The following NEK10 variants were observed in gnomAD, a reference collection of about 807,000 sequenced individuals.
NEK10 encodes the protein serine/threonine-protein kinase Nek10.
In NEK10, 122 loss-of-function variants were observed where a neutral mutation model predicts 159.8. That is an observed-to-expected ratio of 0.76 (90% CI 0.66 to 0.89). The LOEUF (loss-of-function observed/expected upper bound fraction) is 0.89. Ranked by LOEUF, NEK10 falls within the 40% of genes least tolerant of loss-of-function variation. The pLI is 0.00. For synonymous variants in NEK10, 466 were observed against 457.1 expected, an observed-to-expected ratio of 1.02 and a Z score of -0.25; for missense variants, 1,342 against 1,323.1, an observed-to-expected ratio of 1.01 and a Z score of -0.22.
chr3:27,212,815 A>G (rs1951125171), intron 23 of NEK10, among the ~76,000 whole-genome samples: 1 of 152,204 alleles, frequency 6.6e-6, no homozygotes, highest in Non-Finnish European at 1.5e-5. Flanking sequence ...TACTGAGGCC[A>G]GGGCCACACA....
Position 27,192,150 on chromosome 3 carries a change from G to A in NEK10, c.2384C>T (p.Ser795Phe), listed in dbSNP as rs372172518. The A allele has an allele frequency of 6.2e-7, 1 of 1,613,870 alleles. No homozygotes were observed. The highest frequency in any genetic ancestry group is 8.5e-7 in the Non-Finnish European group (1 of 1,179,724). ...DVMMKYLDNL[S>F]TSQLSLEKKL... ...CTTTTCCAAGGACAACTGGGATGTA[G>A]ATAAGTTGTCTAAATATTTCATCAT... The change falls in exon 26 of 36, where the codon TCT becomes TTT. Residue 795 changes from serine (S) to phenylalanine (F), a missense_variant. Ser to Phe is a radical substitution (Grantham distance 155). Transcript: ENST00000691995.
At chr3:27,123,471 T>C (rs1180373482) in intron 32 of NEK10, among the ~76,000 whole-genome samples, 1 of 152,206 alleles carries the variant, frequency 6.6e-6, no homozygotes, top group Non-Finnish European at 1.5e-5. Context: ...TTCCATGTTA[T>C]ATGGGCATTC....
At position 27,368,336 on chromosome 3, in the gene NEK10, C is replaced by T. The variant is rs79155162; in HGVS notation, c.-38+889G>A. 4.4e-4 allele frequency among the ~76,000 whole-genome samples: 67 copies of T among 150,598 alleles called. 1 individual carries two copies. The highest frequency in any genetic ancestry group is 3.4e-3 in the Middle Eastern group (1 of 294). ...AGGACTCCATATATATATATATACA[C>T]ATATATATATATCAGTTCAACAATG... On this transcript the variant is annotated intron_variant, in intron 1 of 35. Coordinates refer to ENST00000691995, the MANE Select transcript of NEK10 (RefSeq NM_001394966.1).
intron 1 of NEK10, among the ~76,000 whole-genome samples, chr3:27,356,373 G>A (rs1355448546): frequency 6.6e-6 from 1 of 152,126 alleles, no homozygotes; most frequent in African/African-American, 2.4e-5. Flanking sequence ...TAAGCCAAGT[G>A]TGGTGGTGTG....
intron 23 of NEK10, among the ~76,000 whole-genome samples, chr3:27,239,524 C>T (rs925151731): frequency 2.0e-5 from 3 of 152,068 alleles, no homozygotes; most frequent in African/African-American, 2.4e-5. Context: ...TAAATAAACC[C>T]GTCTTTGGAG....
intron 28 of NEK10, 22 bp from the exon 29 acceptor site, chr3:27,171,895 A>G (rs1368377554): frequency 6.2e-7 from 1 of 1,605,326 alleles, no homozygotes; most frequent in Non-Finnish European, 8.5e-7. Context: ...AAATAGAAAT[A>G]ACTTTACATT....
intron 23 of NEK10, among the ~76,000 whole-genome samples, chr3:27,214,203 G>A (rs1951273116): frequency 6.6e-6 from 1 of 152,172 alleles, no homozygotes; most frequent in South Asian, 2.1e-4. Flanking sequence ...TATACCTTAC[G>A]TATGTTGATT....
intron 12 of NEK10, among the ~76,000 whole-genome samples, chr3:27,302,835 T>C (rs893247637): frequency 2.0e-5 from 3 of 152,090 alleles, no homozygotes; most frequent in Non-Finnish European, 4.4e-5. Context: ...CAGTCACAGG[T>C]GGTGATCTTA....
At chr3:27,326,501 C>A (rs1471398360) in intron 5 of NEK10, among the ~76,000 whole-genome samples, 1 of 152,168 alleles carries the variant, frequency 6.6e-6, no homozygotes, top group Non-Finnish European at 1.5e-5. Context: ...AATTTCATGA[C>A]TTTTCCAGTG....
chr3:27,264,799 C>G (rs116080095), intron 22 of NEK10, among the ~76,000 whole-genome samples: 3 of 151,946 alleles, frequency 2.0e-5, no homozygotes, highest in African/African-American at 7.3e-5. Context: ...GAGGCTGAGA[C>G]AGGGGAATCA....
At chr3:27,117,737 T>C (rs749022073) in intron 33 of NEK10, among the ~76,000 whole-genome samples, 10 of 152,244 alleles carry the variant, frequency 6.6e-5, no homozygotes, top group Non-Finnish European at 1.2e-4. Flanking sequence ...CTTTGTCGGA[T>C]AGATAGATTG....
chr3:27,193,149 T>G (rs1194034444), intron 25 of NEK10, among the ~76,000 whole-genome samples: 3 of 152,224 alleles, frequency 2.0e-5, no homozygotes, highest in Non-Finnish European at 4.4e-5. Flanking sequence ...CACTTTTATG[T>G]ATCCTCCATC....
At chr3:27,351,426 C>T (rs184103830) in intron 3 of NEK10, among the ~76,000 whole-genome samples, 147 of 152,186 alleles carry the variant, frequency 9.7e-4, no homozygotes, top group Middle Eastern at 3.4e-3. Flanking sequence ...CTAGACTTCA[C>T]CAATTAGGAG....
intron 22 of NEK10, among the ~76,000 whole-genome samples, chr3:27,277,375 G>C (rs981189459): frequency 2.0e-5 from 3 of 152,100 alleles, no homozygotes; most frequent in Non-Finnish European, 4.4e-5. Context: ...TATCCTAACT[G>C]ATACATGTCC....
At chr3:27,312,868 T>A in intron 7 of NEK10, among the ~76,000 whole-genome samples, 1 of 152,314 alleles carries the variant, frequency 6.6e-6, no homozygotes, top group South Asian at 2.1e-4. Context: ...ATCAATTTTC[T>A]AAGAATATAA....
rs550670285 is a variant in NEK10 at position 27,199,010 on chromosome 3, T to C, written c.2291+2500A>G. Among the ~76,000 whole-genome samples the C allele has an allele frequency of 9.7e-5, 14 of 144,092 alleles. No individual in the cohort carries two copies. In the South Asian group the frequency reaches 2.9e-3, roughly 30 times the overall value. 94.5% of individuals were successfully genotyped at this position (144,092 alleles called of 152,430 possible). On this transcript the variant is annotated intron_variant, in intron 25 of 35. Coordinates refer to ENST00000691995, the MANE Select transcript of NEK10 (RefSeq NM_001394966.1). Reference sequence around the variant, plus strand: ...ATCGCTTGAACCTGGGAGGTGGAGGTTGCAGTGAGCCGAGATCACACCACT... The same window carrying C: ...ATCGCTTGAACCTGGGAGGTGGAGGCTGCAGTGAGCCGAGATCACACCACT...
At chr3:27,279,891 C>T (rs947932221) in intron 22 of NEK10, among the ~76,000 whole-genome samples, 3 of 151,942 alleles carry the variant, frequency 2.0e-5, no homozygotes, top group Admixed American at 6.5e-5. Flanking sequence ...GGAAGTAGGC[C>T]GAGCGCGGTG....
intron 22 of NEK10, among the ~76,000 whole-genome samples, chr3:27,270,781 C>T (rs1221305929): frequency 6.6e-6 from 1 of 152,022 alleles, no homozygotes; most frequent in Non-Finnish European, 1.5e-5. Context: ...TCTACAAAGA[C>T]GTTTGATAAA....
chr3:27,281,878 G>C (rs1037315732), intron 22 of NEK10, among the ~76,000 whole-genome samples: 3 of 152,134 alleles, frequency 2.0e-5, no homozygotes, highest in Non-Finnish European at 4.4e-5. Flanking sequence ...GTTTGACCAT[G>C]TGGAAAATAG....
Sources: allele counts gnomAD v4.1 joint callset (sites outside exome capture counted in the v4.1 genomes callset), GRCh38; gene constraint gnomAD v4.1.1; transcripts MANE v1.5; gene names NCBI Gene and HGNC (gene_info 2026-07-23, HGNC 2026-07-21).